The following CREG1 variants were observed in gnomAD, a reference collection of about 807,000 sequenced individuals.
CREG1 encodes protein CREG1.
Under a neutral mutation model 19.9 loss-of-function variants are expected in CREG1, and 20 were observed. The observed-to-expected ratio is 1.01, with a 90% CI of 0.71 to 1.46. The LOEUF (loss-of-function observed/expected upper bound fraction) is 1.46, where lower values mean the gene tolerates loss of function less well. Ranked by LOEUF, CREG1 falls within the 40% of genes most tolerant of loss-of-function variation. The pLI is 0.00. For synonymous variants in CREG1, 141 were observed against 143.3 expected (o/e 0.98, Z 0.12); for missense variants, 290 against 314.9 (o/e 0.92, Z 0.60).
At chr1:167,551,182 G>A (rs1450675512) in intron 1 of CREG1, among the ~76,000 whole-genome samples, 1 of 152,168 alleles carries the variant, frequency 6.6e-6, no homozygotes, top group Non-Finnish European at 1.5e-5. Flanking sequence ...TACGTTTGAA[G>A]CTCACAACAT....
At chr1:167,552,245 G>A (rs1055083737) in intron 1 of CREG1, among the ~76,000 whole-genome samples, 1 of 152,210 alleles carries the variant, frequency 6.6e-6, no homozygotes, top group Non-Finnish European at 1.5e-5. Context: ...CTACTTCAAA[G>A]AATTAATAGA....
chr1:167,545,879 C>T (rs1047998524), intron 3 of CREG1, among the ~76,000 whole-genome samples: 11 of 152,124 alleles, frequency 7.2e-5, no homozygotes, highest in East Asian at 3.8e-4. Context: ...TTATACCACA[C>T]ATTTACAAAT....
chr1:167,553,705 G>A lies in CREG1; in HGVS notation c.37C>T (p.Leu13Phe). The A allele has an allele frequency of 7.7e-7, 1 of 1,306,272 alleles. No individual in the cohort carries two copies. The highest frequency in any genetic ancestry group is 9.7e-7 in the Non-Finnish European group (1 of 1,033,504). The allele number at this position is 1,306,272 out of a possible 1,614,324, so 80.9% of individuals were successfully genotyped here. A position where few individuals can be genotyped will look rare whatever the true frequency, so the allele number is the denominator to read the frequency against. The change falls in exon 1 of 4, where the codon CTC (leucine) becomes TTC (phenylalanine). Residue 13 changes from leucine to phenylalanine, a missense_variant. By Grantham distance (22) the Leu-to-Phe change is conservative. Coordinates refer to ENST00000370509, the MANE Select transcript of CREG1 (RefSeq NM_003851.3). ...AGCGTCGACGCCAGCAGGGCGGCGA[G>A]CAGTGCGCGCGCGGACCCGCGGGAT... ...GLSRGSARAL[L>F]AALLASTLLA...
intron 2 of CREG1, 32 bp from the exon 3 acceptor site, chr1:167,546,317 T>G: frequency 7.2e-7 from 1 of 1,384,234 alleles, no homozygotes; most frequent in Non-Finnish European, 1.0e-6. Flanking sequence ...AACATTCTTA[T>G]GGCAGTAACA....
chr1:167,543,389 C>T (rs938882400), intron 3 of CREG1, among the ~76,000 whole-genome samples: 16 of 152,194 alleles, frequency 1.1e-4, no homozygotes, highest in African/African-American at 3.1e-4. Flanking sequence ...AGTTAAGCTC[C>T]GTATCAGCTC....
At chr1:167,552,470 A>C (rs1656437138) in intron 1 of CREG1, among the ~76,000 whole-genome samples, 1 of 152,182 alleles carries the variant, frequency 6.6e-6, no homozygotes, top group Non-Finnish European at 1.5e-5. Flanking sequence ...GAGACAGCAG[A>C]GATCCATCAG....
chr1:167,552,286 G>A (rs1024161576), intron 1 of CREG1, among the ~76,000 whole-genome samples: 4 of 152,238 alleles, frequency 2.6e-5, no homozygotes, highest in Admixed American at 2.6e-4. Flanking sequence ...AAATGGAAAA[G>A]TGATTAATCA....
At chr1:167,553,336 T>A (rs1299745969) in intron 1 of CREG1, 52 bp downstream of exon 1, 1 of 1,280,454 alleles carries the variant, frequency 7.8e-7, no homozygotes, top group African/African-American at 1.6e-5. Context: ...AGGCTCGCTC[T>A]GTGGCCGCCC....
chr1:167,551,345 CTT>C (rs1231816099), intron 1 of CREG1, among the ~76,000 whole-genome samples: 1 of 152,180 alleles, frequency 6.6e-6, no homozygotes, highest in African/African-American at 2.4e-5. Context: ...AAAGCAGAAA[CTT>C]TGACCTGCTA....
At chr1:167,546,036 G>A (rs1366952199) in intron 3 of CREG1, 65 bp downstream of exon 3, 105 of 1,405,996 alleles carry the variant, frequency 7.5e-5, no homozygotes, top group Non-Finnish European at 9.3e-5. Context: ...AACCCCCCTT[G>A]CCTTAGAAGG....
At chr1:167,549,761 T>C (rs746200275) in intron 1 of CREG1, among the ~76,000 whole-genome samples, 8 of 151,932 alleles carry the variant, frequency 5.3e-5, no homozygotes, top group Non-Finnish European at 1.2e-4. Context: ...CATGGCTCAT[T>C]GTGGCCTCAA....
At chr1:167,553,306 A>T in intron 1 of CREG1, 82 bp downstream of exon 1, 1 of 959,814 alleles carries the variant, frequency 1.0e-6, no homozygotes, top group South Asian at 2.5e-5. Flanking sequence ...ACTTCCCGGG[A>T]AGAATTCTGG....
At chr1:167,545,229 T>A (rs1026421878) in intron 3 of CREG1, among the ~76,000 whole-genome samples, 4 of 152,186 alleles carry the variant, frequency 2.6e-5, no homozygotes, top group African/African-American at 9.7e-5. Context: ...TCGTGGGTCA[T>A]AACTGGGCTC....
intron 2 of CREG1, among the ~76,000 whole-genome samples, chr1:167,547,076 C>T (rs568073015): frequency 1.3e-5 from 2 of 152,196 alleles, no homozygotes; most frequent in Non-Finnish European, 2.9e-5. Flanking sequence ...GAGATGCATC[C>T]ACAAAGAATT....
chr1:167,552,479 A>T (rs1012225033), intron 1 of CREG1, among the ~76,000 whole-genome samples: 9 of 152,182 alleles, frequency 5.9e-5, no homozygotes, highest in African/African-American at 1.9e-4. Context: ...GAGATCCATC[A>T]GAGTTGTAAG....
At chr1:167,546,947 T>C (rs1016033430) in intron 2 of CREG1, among the ~76,000 whole-genome samples, 3 of 152,220 alleles carry the variant, frequency 2.0e-5, no homozygotes, top group African/African-American at 4.8e-5. Flanking sequence ...AACATGGACA[T>C]GTTAAACATA....
intron 1 of CREG1, among the ~76,000 whole-genome samples, 161 bp from the exon 2 acceptor site, chr1:167,548,282 G>C (rs1433276014): frequency 6.6e-6 from 1 of 152,172 alleles, no homozygotes; most frequent in Non-Finnish European, 1.5e-5. Context: ...ATAATACTTG[G>C]AAAGTATCCT....
rs1656320009 is a variant in CREG1 at position 167,546,201 on chromosome 1, A to T, written c.559T>A (p.Trp187Arg). The T allele has an allele frequency of 1.9e-5, 30 of 1,613,472 alleles. No homozygotes were observed. The highest frequency in any genetic ancestry group is 2.5e-5 in the Non-Finnish European group (29 of 1,179,834). Reference protein sequence around the residue: ...EMKTWPSSHNWFFAKLNITNI... With the variant: ...EMKTWPSSHNRFFAKLNITNI... The stretch of plus-strand genomic sequence containing the variant: ...GTTATATTCAACTTAGCAAAGAACC[A>T]ATTATGGCTGGAAGGCCAGGTTTTC... The change falls in exon 3 of 4, where the codon TGG becomes AGG. Residue 187 changes from tryptophan (W) to arginine (R), a missense_variant. Trp to Arg is a moderately radical substitution (Grantham distance 101). Transcript: ENST00000370509.
intron 1 of CREG1, among the ~76,000 whole-genome samples, chr1:167,552,449 A>AC (rs1450144130): frequency 2.0e-5 from 3 of 152,052 alleles, no homozygotes; most frequent in Non-Finnish European, 4.4e-5. Context: ...GGTGTCTGTG[A>AC]CCCCATCCCT....
Sources: allele counts gnomAD v4.1 joint callset (sites outside exome capture counted in the v4.1 genomes callset), GRCh38; gene constraint gnomAD v4.1.1; transcripts MANE v1.5; gene names NCBI Gene and HGNC (gene_info 2026-07-23, HGNC 2026-07-21).